Variants in SOX5 observed in about 807,000 individuals in gnomAD.
SOX5 encodes SRY-box transcription factor 5.
Under a neutral mutation model 92.0 loss-of-function variants are expected in SOX5, and 9 were observed. That is an observed-to-expected ratio of 0.10 (90% CI 0.06 to 0.17). The LOEUF (loss-of-function observed/expected upper bound fraction) is 0.17. SOX5 is among the 10% of genes least tolerant of loss of function. SOX5 has a pLI of 1.00. For missense variants in SOX5, 642 were observed against 944.5 expected, an observed-to-expected ratio of 0.68 and a Z score of 4.20; for synonymous variants, 344 against 336.3, an observed-to-expected ratio of 1.02 and a Z score of -0.25.
At chr12:23,607,002 T>G (rs1024589843) in intron 8 of SOX5, among the ~76,000 whole-genome samples, 3 of 152,158 alleles carry the variant, frequency 2.0e-5, no homozygotes, top group Non-Finnish European at 4.4e-5. Context: ...TTCATAAACC[T>G]GCTATTCAGT....
chr12:23,562,496 T>C lies in SOX5; in HGVS notation c.1488+762A>G, dbSNP rs529290412. Among the ~76,000 whole-genome samples the C allele has an allele frequency of 3.3e-5, 5 of 152,332 alleles. No individual in the cohort carries two copies. The South Asian group carries it at 1.0e-3, about 32-fold the overall frequency. On this transcript the variant is annotated intron_variant, in intron 11 of 14. Transcript: ENST00000451604. ...GCTAAGTAGCTGATCATTTTTTCTC[T>C]TATCTACTGGATCAATTTATCTAGA... is the stretch of plus-strand genomic sequence containing the variant.
chr12:23,633,611 A>G (rs1292439701), intron 8 of SOX5, among the ~76,000 whole-genome samples: 1 of 152,108 alleles, frequency 6.6e-6, no homozygotes, highest in Non-Finnish European at 1.5e-5. Flanking sequence ...GAGGATGAAG[A>G]AGAATGAAAA....
intron 9 of SOX5, among the ~76,000 whole-genome samples, chr12:23,581,888 G>GAA (rs200972596): frequency 0.16 from 24,347 of 150,894 alleles, 2,270 homozygotes; most frequent in South Asian, 0.26. Flanking sequence ...CACAATGATT[G>GAA]AAAAAATATA....
intron 4 of SOX5, among the ~76,000 whole-genome samples, chr12:24,042,895 C>T (rs900711344): frequency 2.0e-5 from 3 of 152,162 alleles, no homozygotes; most frequent in Admixed American, 2.0e-4. Context: ...ATTTCATTTT[C>T]TGCTTTTGTG....
intron 1 of SOX5, among the ~76,000 whole-genome samples, chr12:23,941,088 T>C (rs1406483435): frequency 6.6e-6 from 1 of 151,562 alleles, no homozygotes; most frequent in Non-Finnish European, 1.5e-5. Context: ...TTGAAAAAAC[T>C]GCAGCTTCAT....
chr12:23,660,935 C>T (rs1406606568), intron 7 of SOX5, among the ~76,000 whole-genome samples: 1 of 152,060 alleles, frequency 6.6e-6, no homozygotes, highest in African/African-American at 2.4e-5. Context: ...TTAAAATATC[C>T]TGTGCCCCTA....
At chr12:23,719,469 A>G (rs772801617) in intron 6 of SOX5, among the ~76,000 whole-genome samples, 3 of 152,228 alleles carry the variant, frequency 2.0e-5, no homozygotes, top group Non-Finnish European at 4.4e-5. Flanking sequence ...CTATTTGCCA[A>G]GCATGGTGAC....
At chr12:24,169,291 G>C (rs1953791161) in intron 4 of SOX5, among the ~76,000 whole-genome samples, 1 of 152,030 alleles carries the variant, frequency 6.6e-6, no homozygotes, top group African/African-American at 2.4e-5. Flanking sequence ...ACATCTTATA[G>C]AAAACTTCAT....
chr12:23,707,682 G>GT (rs2091572854), intron 6 of SOX5, among the ~76,000 whole-genome samples: 1 of 151,944 alleles, frequency 6.6e-6, no homozygotes, highest in Non-Finnish European at 1.5e-5. Context: ...GTAATAAAGC[G>GT]TTTATTCATT....
At chr12:24,537,713 T>C (rs1326388465) in intron 1 of SOX5, among the ~76,000 whole-genome samples, 1 of 152,218 alleles carries the variant, frequency 6.6e-6, no homozygotes, top group African/African-American at 2.4e-5. Context: ...TCCATTCAAA[T>C]ACTCAACGCC....
At chr12:24,288,321 T>C (rs556949047) in intron 2 of SOX5, among the ~76,000 whole-genome samples, 1 of 152,308 alleles carries the variant, frequency 6.6e-6, no homozygotes, top group South Asian at 2.1e-4. Context: ...GGATTAGCAG[T>C]ATTTTCATTT....
chr12:24,191,353 G>C (rs1252664782), intron 4 of SOX5, among the ~76,000 whole-genome samples: 1 of 152,112 alleles, frequency 6.6e-6, no homozygotes, highest in Non-Finnish European at 1.5e-5. Context: ...TGAATTCTTT[G>C]GTTATCGGGT....
At chr12:24,386,769 C>T (rs929161768) in intron 1 of SOX5, among the ~76,000 whole-genome samples, 2 of 152,142 alleles carry the variant, frequency 1.3e-5, no homozygotes, top group African/African-American at 4.8e-5. Context: ...GAATCTAAAA[C>T]TATTGGTCTT....
At chr12:23,673,179 T>G (rs966891487) in intron 6 of SOX5, among the ~76,000 whole-genome samples, 10 of 152,174 alleles carry the variant, frequency 6.6e-5, no homozygotes, top group African/African-American at 2.4e-4. Context: ...GCTGAATAAA[T>G]GAATTCAAAT....
intron 3 of SOX5, among the ~76,000 whole-genome samples, chr12:24,245,695 T>A (rs145855192): frequency 1.8e-4 from 27 of 152,218 alleles, no homozygotes; most frequent in African/African-American, 6.5e-4. Context: ...TACGTGAAAA[T>A]TAGCTAATTT....
intron 4 of SOX5, among the ~76,000 whole-genome samples, chr12:24,176,733 G>C (rs1954852766): frequency 6.6e-6 from 1 of 152,134 alleles, no homozygotes; most frequent in African/African-American, 2.4e-5. Flanking sequence ...ATTGCACTAG[G>C]GGCAAAGATG....
chr12:23,975,716 A>C (rs1210760230), intron 4 of SOX5, among the ~76,000 whole-genome samples: 1 of 152,210 alleles, frequency 6.6e-6, no homozygotes, highest in Non-Finnish European at 1.5e-5. Flanking sequence ...CTGCTTGTTA[A>C]GGTTATGTGA....
chr12:24,316,916 G>T lies in SOX5; in HGVS notation c.-173-39604C>A, dbSNP rs914198565. On this transcript the variant is annotated intron_variant, in intron 2 of 4. Transcript: ENST00000446891. ...CCTGAAGCAGGATTGAAAAAAACTG[G>T]AAAGCTTTTTGTAGGTTTTAGCTTT... Among the ~76,000 whole-genome samples the T allele has an allele frequency of 2.6e-5, 4 of 152,098 alleles. 1 individual carries two copies. Among genetic ancestry groups the T allele is most frequent in the Non-Finnish European group, 5.9e-5 (4 of 68,022 alleles).
intron 9 of SOX5, among the ~76,000 whole-genome samples, chr12:23,603,467 T>TATATATATATATATATATATA (rs1566226312): frequency 1.1e-5 from 1 of 92,048 alleles, no homozygotes; most frequent in South Asian, 3.7e-4. Context: ...TATATATATA[T>TATATATATATATATATATATA]TTTGCTGGTA....
Sources: gnomAD v4.1 joint callset for allele counts (sites outside exome capture counted in the v4.1 genomes callset) on GRCh38, gnomAD v4.1.1 for gene constraint, MANE v1.5 for transcripts, NCBI Gene and HGNC (gene_info 2026-07-23, HGNC 2026-07-21) for gene names.